KCNN2: variants seen among roughly 807,000 people sequenced by gnomAD.
KCNN2 encodes potassium calcium-activated channel subfamily N member 2.
KCNN2 carries 24 observed loss-of-function variants against 55.5 expected under a neutral mutation model. That is an observed-to-expected ratio of 0.43 (90% CI 0.31 to 0.61). The LOEUF is 0.61. KCNN2 is among the 20% of genes least tolerant of loss of function. The pLI is 0.08. For missense variants in KCNN2, 754 were observed against 853.6 expected (o/e 0.88, Z 1.45); for synonymous variants, 431 against 336.1 (o/e 1.28, Z -3.09).
At chr5:114,112,768 C>G (rs1043442239) in intron 1 of KCNN2, among the ~76,000 whole-genome samples, 3 of 152,032 alleles carry the variant, frequency 2.0e-5, no homozygotes, top group East Asian at 3.9e-4. Context: ...ATTTTCCAGA[C>G]TGAATTAAAA....
intron 2 of KCNN2, among the ~76,000 whole-genome samples, chr5:114,291,338 C>A (rs4705658): frequency 2.6e-5 from 4 of 151,884 alleles, no homozygotes; most frequent in Non-Finnish European, 4.4e-5. Flanking sequence ...ATCCCTCCCC[C>A]CTCTCCTCAC....
At chr5:114,201,826 G>T (rs572834432) in intron 1 of KCNN2, among the ~76,000 whole-genome samples, 159 of 151,952 alleles carry the variant, frequency 1.0e-3, no homozygotes, top group Non-Finnish European at 1.8e-3. Context: ...AGGATAGCCT[G>T]GTTTCCCTGT....
At chr5:114,246,125 T>TATTTTCGTGAATGTA (rs1754744362) in intron 2 of KCNN2, among the ~76,000 whole-genome samples, 2 of 152,204 alleles carry the variant, frequency 1.3e-5, no homozygotes, top group Non-Finnish European at 2.9e-5. Flanking sequence ...GTTTATTTCC[T>TATTTTCGTGAATGTA]ATTTTCGTGA....
intron 3 of KCNN2, among the ~76,000 whole-genome samples, chr5:114,441,277 G>A (rs927585577): frequency 5.3e-5 from 8 of 152,160 alleles, no homozygotes; most frequent in Non-Finnish European, 1.0e-4. Context: ...AATGAGTCAT[G>A]CAGATGAAAA....
At chr5:114,216,453 A>G (rs1248818744) in intron 1 of KCNN2, among the ~76,000 whole-genome samples, 1 of 152,166 alleles carries the variant, frequency 6.6e-6, no homozygotes, top group Non-Finnish European at 1.5e-5. Flanking sequence ...ATTATGAGGC[A>G]TCTCACAATG....
At chr5:114,113,112 T>A (rs186152750) in intron 1 of KCNN2, among the ~76,000 whole-genome samples, 471 of 152,122 alleles carry the variant, frequency 3.1e-3, no homozygotes, top group Middle Eastern at 3.4e-3. Context: ...CTTCAAAAAA[T>A]TTTTTATCTG....
intron 1 of KCNN2, among the ~76,000 whole-genome samples, chr5:114,085,333 A>C (rs1241220864): frequency 6.6e-6 from 1 of 151,898 alleles, no homozygotes; most frequent in African/African-American, 2.4e-5. Flanking sequence ...AATAATAATG[A>C]GTCTCTCAAT....
chr5:114,308,728 C>T lies in KCNN2; in HGVS notation c.-184-52217C>T, dbSNP rs149746053. On this transcript the variant is annotated intron_variant, in intron 2 of 10. Coordinates refer to the KCNN2 transcript ENST00000512097. The stretch of plus-strand genomic sequence containing the variant: ...TAAGTGTTGCATAATAGTTGTGCAA[C>T]TCACCAAGAGAGCCCGCAGCTAATG... 3.9e-5 allele frequency among the ~76,000 whole-genome samples: 6 copies of T among 152,218 alleles called. No homozygotes were observed. The East Asian group carries it at 1.2e-3, about 29-fold the overall frequency.
chr5:114,231,982 AG>A (rs147928151), intron 2 of KCNN2, among the ~76,000 whole-genome samples: 3,045 of 151,112 alleles, frequency 0.02, 294 homozygotes, highest in African/African-American at 0.071. Flanking sequence ...TTGAATTCAA[AG>A]CGTTGAATTC....
At chr5:114,223,583 G>A (rs1386875606) in intron 2 of KCNN2, among the ~76,000 whole-genome samples, 1 of 152,142 alleles carries the variant, frequency 6.6e-6, no homozygotes, top group Non-Finnish European at 1.5e-5. Context: ...AGTCCAGTTA[G>A]GCGATAGAAA....
chr5:114,086,393 A>G (rs1247052802), intron 1 of KCNN2, among the ~76,000 whole-genome samples: 1 of 151,432 alleles, frequency 6.6e-6, no homozygotes, highest in Non-Finnish European at 1.5e-5. Flanking sequence ...GGGACTGAGC[A>G]TAGTACCCAA....
intron 2 of KCNN2, among the ~76,000 whole-genome samples, chr5:114,240,074 G>T: frequency 6.6e-6 from 1 of 152,096 alleles, no homozygotes; most frequent in South Asian, 2.1e-4. Context: ...GTATCCTCAA[G>T]AAAAGTAAGG....
chr5:114,423,895 G>A (rs1458548223), intron 3 of KCNN2, among the ~76,000 whole-genome samples: 1 of 152,126 alleles, frequency 6.6e-6, no homozygotes. Flanking sequence ...AGAAGGAACA[G>A]CATAAATACA....
chr5:114,222,047 T>G (rs4535442), intron 2 of KCNN2, among the ~76,000 whole-genome samples: 121,425 of 152,118 alleles, frequency 0.8, 48,820 homozygotes, highest in East Asian at 0.89. Context: ...GGCTAGATAA[T>G]ATGTTTGAGA....
intron 2 of KCNN2, among the ~76,000 whole-genome samples, chr5:114,301,083 C>T (rs1201815216): frequency 1.3e-5 from 2 of 149,684 alleles, no homozygotes; most frequent in Non-Finnish European, 3.0e-5. Context: ...TGTTTTCTAA[C>T]TGGGACCTAT....
intron 1 of KCNN2, among the ~76,000 whole-genome samples, chr5:114,073,137 T>A (rs556073603): frequency 6.6e-6 from 1 of 152,182 alleles, no homozygotes; most frequent in South Asian, 2.1e-4. Flanking sequence ...GTCAGTGTTA[T>A]CATCTTTGTG....
rs138457597 is a variant in KCNN2, at chr5:114,342,003, G to A, written c.-184-18942G>A. The stretch of plus-strand genomic sequence containing the variant: ...TGCAAGCTCAGCCTCCTGGGTTCAC[G>A]CCATTCTCCTGCCTCAGCCTCCCAA... On this transcript the variant is annotated intron_variant, in intron 2 of 10. Coordinates refer to the KCNN2 transcript ENST00000512097. 2.8e-3 allele frequency among the ~76,000 whole-genome samples: 428 copies of A among 151,388 alleles called. 1 individual carries two copies. The highest frequency in any genetic ancestry group is 0.01 in the African/African-American group (413 of 41,214).
chr5:114,076,794 A>T (rs1750692647), intron 1 of KCNN2, among the ~76,000 whole-genome samples: 2 of 152,186 alleles, frequency 1.3e-5, no homozygotes, highest in South Asian at 4.1e-4. Context: ...CCCAGGTTCA[A>T]GCGATTCTCC....
At chr5:114,133,709 G>C (rs1427410359) in intron 1 of KCNN2, among the ~76,000 whole-genome samples, 1 of 152,258 alleles carries the variant, frequency 6.6e-6, no homozygotes, top group East Asian at 1.9e-4. Flanking sequence ...TTTATATGGG[G>C]AATCAGATTA....
Sources: gnomAD v4.1 joint callset for allele counts (sites outside exome capture counted in the v4.1 genomes callset) on GRCh38, gnomAD v4.1.1 for gene constraint, MANE v1.5 for transcripts, NCBI Gene and HGNC (gene_info 2026-07-23, HGNC 2026-07-21) for gene names.